Variants in CDH4 observed in about 807,000 individuals in gnomAD.
The protein encoded by CDH4 is cadherin-4.
In CDH4, 33 loss-of-function variants were observed where a neutral mutation model predicts 86.0. The ratio of observed to expected loss-of-function variants is 0.38; its 90% CI spans 0.29 to 0.51. The LOEUF (loss-of-function observed/expected upper bound fraction) is 0.51, where lower values mean the gene tolerates loss of function less well. Among genes scored for constraint, CDH4 ranks in the 20% least tolerant of loss-of-function variants. CDH4 has a pLI of 0.86. For synonymous variants in CDH4, 555 were observed against 549.4 expected, an observed-to-expected ratio of 1.01 and a Z score of -0.14; for missense variants, 1,114 against 1,307.4, an observed-to-expected ratio of 0.85 and a Z score of 2.28.
Position 61,924,416 on chromosome 20 carries a change from C to T in CDH4, c.1711C>T (p.Arg571Cys), listed in dbSNP as rs1318474178. ...GATCACCACGGCGGCAGTGCTGGAC[C>T]GTGAGTCCCTCTACACCAAAAACAA... ...GQITTAAVLD[R>C]ESLYTKNNVY... The change falls in exon 11 of 16, where the codon CGT (arginine) becomes TGT (cysteine). Residue 571 changes from arginine (R) to cysteine (C), a missense_variant. By Grantham distance (180) the Arg-to-Cys change is radical. Coordinates refer to ENST00000614565, the MANE Select transcript of CDH4 (RefSeq NM_001794.5). The T allele has an allele frequency of 4.3e-6, 7 of 1,613,868 alleles. No homozygotes were observed. Among genetic ancestry groups the T allele is most frequent in the Admixed American group, 1.7e-5 (1 of 60,012 alleles).
intron 3 of CDH4, among the ~76,000 whole-genome samples, chr20:61,769,394 A>G (rs1326618108): frequency 6.6e-6 from 1 of 152,168 alleles, no homozygotes; most frequent in East Asian, 1.9e-4. Context: ...GATTTATGGA[A>G]CACATCCCGG....
At chr20:61,548,682 G>C (rs1409802391) in intron 2 of CDH4, among the ~76,000 whole-genome samples, 1 of 152,160 alleles carries the variant, frequency 6.6e-6, no homozygotes, top group Non-Finnish European at 1.5e-5. Context: ...AATTCAAAGA[G>C]AAGAGTGAGA....
chr20:61,571,581 C>G (rs1252744940), intron 2 of CDH4, among the ~76,000 whole-genome samples: 4 of 152,322 alleles, frequency 2.6e-5, no homozygotes, highest in Admixed American at 6.5e-5. Flanking sequence ...TCTGCAGCAA[C>G]AGGGTCCTCA....
intron 2 of CDH4, among the ~76,000 whole-genome samples, chr20:61,567,966 CTA>C (rs895281371): frequency 3.3e-5 from 5 of 152,036 alleles, no homozygotes; most frequent in African/African-American, 9.7e-5. Flanking sequence ...GAGTGAAACC[CTA>C]TCTCTAATAA....
At chr20:61,773,246 C>A in intron 4 of CDH4, 64 bp downstream of exon 4, 1 of 1,422,660 alleles carries the variant, frequency 7.0e-7, no homozygotes, top group Non-Finnish European at 9.3e-7. Flanking sequence ...CTTCTCCCGA[C>A]ATCCCAAAGC....
At chr20:61,431,778 T>C (rs571005117) in intron 2 of CDH4, among the ~76,000 whole-genome samples, 83 of 152,296 alleles carry the variant, frequency 5.4e-4, no homozygotes, top group Non-Finnish European at 1.0e-3. Flanking sequence ...AAAAGTTCAC[T>C]TTGCCCCTTG....
At chr20:61,771,434 G>T (rs1242719646) in intron 3 of CDH4, among the ~76,000 whole-genome samples, 1 of 151,778 alleles carries the variant, frequency 6.6e-6, no homozygotes, top group Non-Finnish European at 1.5e-5. Flanking sequence ...GAGCAGCCTG[G>T]CCAACATGGC....
intron 2 of CDH4, among the ~76,000 whole-genome samples, chr20:61,457,707 TATG>T (rs1329197212): frequency 6.8e-6 from 1 of 146,434 alleles, no homozygotes; most frequent in East Asian, 2.0e-4. Flanking sequence ...TGGTGATGGT[TATG>T]ATGGTGATGG....
At chr20:61,520,825 C>T (rs191213324) in intron 2 of CDH4, among the ~76,000 whole-genome samples, 2 of 152,266 alleles carry the variant, frequency 1.3e-5, no homozygotes, top group African/African-American at 4.8e-5. Flanking sequence ...GTTGGGAAAG[C>T]AGGATTATAA....
At chr20:61,316,528 T>G (rs1486129222) in intron 2 of CDH4, among the ~76,000 whole-genome samples, 1 of 152,216 alleles carries the variant, frequency 6.6e-6, no homozygotes, top group Non-Finnish European at 1.5e-5. Context: ...TCTGTCTCTC[T>G]CCCTTCCCAT....
At chr20:61,729,300 A>C (rs906960994) in intron 2 of CDH4, among the ~76,000 whole-genome samples, 1 of 152,220 alleles carries the variant, frequency 6.6e-6, no homozygotes, top group African/African-American at 2.4e-5. Context: ...AGTGGGCACC[A>C]GTAGGACTGG....
At chr20:61,641,239 C>T (rs1438250122) in intron 2 of CDH4, among the ~76,000 whole-genome samples, 1 of 152,102 alleles carries the variant, frequency 6.6e-6, no homozygotes, top group Non-Finnish European at 1.5e-5. Flanking sequence ...GGGGAGTTTT[C>T]AGCCCTTTCC....
chr20:61,604,058 C>T (rs2086623860), intron 2 of CDH4, among the ~76,000 whole-genome samples: 1 of 152,170 alleles, frequency 6.6e-6, no homozygotes. Flanking sequence ...CAGCTCCCTG[C>T]CGAGCCTCCC....
chr20:61,284,421 T>G (rs150823328), intron 2 of CDH4, among the ~76,000 whole-genome samples: 1 of 152,314 alleles, frequency 6.6e-6, no homozygotes, highest in East Asian at 1.9e-4. Flanking sequence ...ACACAGAGAT[T>G]CACTGGGGCA....
intron 2 of CDH4, among the ~76,000 whole-genome samples, chr20:61,574,336 G>A (rs893162543): frequency 1.3e-5 from 2 of 152,250 alleles, no homozygotes; most frequent in Non-Finnish European, 2.9e-5. Context: ...TAGAGGCCCC[G>A]TGGGCCCCGT....
At chr20:61,277,103 A>G (rs2084235314) in intron 2 of CDH4, among the ~76,000 whole-genome samples, 1 of 152,086 alleles carries the variant, frequency 6.6e-6, no homozygotes, top group African/African-American at 2.4e-5. Context: ...AGAACTTGCT[A>G]GCCCTTCCCT....
chr20:61,260,902 A>G (rs1251213436), intron 2 of CDH4, among the ~76,000 whole-genome samples: 3 of 152,204 alleles, frequency 2.0e-5, no homozygotes, highest in African/African-American at 7.2e-5. Flanking sequence ...GATAAAAGGT[A>G]GGAGCGGCCC....
chr20:61,503,631 A>G (rs537591454), intron 2 of CDH4, among the ~76,000 whole-genome samples: 64 of 152,304 alleles, frequency 4.2e-4, no homozygotes, highest in African/African-American at 1.5e-3. Context: ...TCATACTTTA[A>G]CCTTGAATTC....
At chr20:61,574,849 A>G (rs2086370888) in intron 2 of CDH4, among the ~76,000 whole-genome samples, 1 of 152,234 alleles carries the variant, frequency 6.6e-6, no homozygotes, top group Non-Finnish European at 1.5e-5. Context: ...TGCCTGAGCC[A>G]TAGTGAGTTA....
Sources: allele counts gnomAD v4.1 joint callset (sites outside exome capture counted in the v4.1 genomes callset), GRCh38; gene constraint gnomAD v4.1.1; transcripts MANE v1.5; gene names NCBI Gene and HGNC (gene_info 2026-07-23, HGNC 2026-07-21).